The following RPS6KA2 variants were observed in gnomAD, a reference collection of about 807,000 sequenced individuals.
RPS6KA2 encodes ribosomal protein S6 kinase A2, also known as ribosomal protein S6 kinase alpha-2.
In RPS6KA2, 42 loss-of-function variants were observed where a neutral mutation model predicts 91.8. That is an observed-to-expected ratio of 0.46 (90% CI 0.36 to 0.59). The LOEUF (loss-of-function observed/expected upper bound fraction) is 0.59, where lower values mean the gene tolerates loss of function less well. Ranked by LOEUF, RPS6KA2 falls within the 20% of genes least tolerant of loss-of-function variation. RPS6KA2 has a pLI of 0.00. For synonymous variants in RPS6KA2, 414 were observed against 393.6 expected (o/e 1.05, Z -0.61); for missense variants, 798 against 978.5 (o/e 0.82, Z 2.46).
In RPS6KA2 at chr6:166,852,182, G is replaced by A. The variant is rs1583179725; in HGVS notation, c.123+6018C>T. Among the ~76,000 whole-genome samples the A allele has an allele frequency of 1.3e-5, 2 of 152,176 alleles. No individual in the cohort carries two copies. Among genetic ancestry groups the A allele is most frequent in the Non-Finnish European group, 1.5e-5 (1 of 68,026 alleles). ...TGTCTGCTGGACAGAGAAACAGTAA[G>A]AAATACAAATGCAAATAGACTGCCA... On this transcript the variant is annotated intron_variant, in intron 2 of 21. Transcript: ENST00000503859. The surrounding 1 kb of genome is among the most constrained non-coding windows in gnomAD (Gnocchi z 4.1).
intron 2 of RPS6KA2, among the ~76,000 whole-genome samples, chr6:166,776,337 T>A (rs1424364782): frequency 6.6e-6 from 1 of 152,008 alleles, no homozygotes; most frequent in East Asian, 1.9e-4. Context: ...GAGAATGGAG[T>A]CCCCGCACTG....
chr6:166,772,733 C>G (rs1052003762), intron 2 of RPS6KA2, among the ~76,000 whole-genome samples: 1 of 152,136 alleles, frequency 6.6e-6, no homozygotes, highest in African/African-American at 2.4e-5. Flanking sequence ...GCCCGGCTGT[C>G]GGGACACACC....
At chr6:166,813,071 G>A (rs911035029) in intron 2 of RPS6KA2, among the ~76,000 whole-genome samples, 1 of 152,140 alleles carries the variant, frequency 6.6e-6, no homozygotes, top group Non-Finnish European at 1.5e-5. Flanking sequence ...GGCTTGAGGG[G>A]TTGAGAGGCA....
At chr6:166,454,972 C>T (rs1037561088) in intron 12 of RPS6KA2, among the ~76,000 whole-genome samples, 2 of 150,488 alleles carry the variant, frequency 1.3e-5, no homozygotes, top group East Asian at 1.9e-4. Flanking sequence ...AAATATAATA[C>T]GTAATTTTTC....
intron 2 of RPS6KA2, among the ~76,000 whole-genome samples, chr6:166,744,340 C>T (rs762634158): frequency 6.9e-6 from 1 of 144,680 alleles, no homozygotes; most frequent in Admixed American, 6.8e-5. Context: ...TTCCCCGTGC[C>T]TCTGGGCCAT....
chr6:166,641,719 CAAAAAAAAAAAAAAAAAAAAAAA>C (rs71032871), intron 2 of RPS6KA2, among the ~76,000 whole-genome samples: 278 of 28,522 alleles, frequency 9.7e-3, no homozygotes, highest in Middle Eastern at 0.028. Flanking sequence ...GACTCTGTCA[CAAAAAAAAAAAAAAAAAAAAAAA>C]AAAAAAAAAA....
chr6:166,546,554 C>T (rs1457081206), intron 1 of RPS6KA2, among the ~76,000 whole-genome samples: 2 of 151,146 alleles, frequency 1.3e-5, no homozygotes, highest in South Asian at 2.1e-4. Flanking sequence ...ACTGATAACA[C>T]GGGATTTAAA....
At chr6:166,438,271 G>A (rs751209311) in intron 14 of RPS6KA2, among the ~76,000 whole-genome samples, 90 of 152,228 alleles carry the variant, frequency 5.9e-4, no homozygotes, top group Non-Finnish European at 9.4e-4. Context: ...TCTTAATTCC[G>A]TTTCTTTTTT....
At chr6:166,792,664 G>A (rs571082530) in intron 2 of RPS6KA2, among the ~76,000 whole-genome samples, 5 of 152,178 alleles carry the variant, frequency 3.3e-5, no homozygotes. Flanking sequence ...TCATGATCAA[G>A]TTGGCTTCAT....
At chr6:166,844,851 CAAT>C (rs971376336) in intron 2 of RPS6KA2, among the ~76,000 whole-genome samples, 3 of 107,388 alleles carry the variant, frequency 2.8e-5, no homozygotes, top group African/African-American at 8.1e-5. Context: ...ACCTATATAA[CAAT>C]AACACAACAA....
chr6:166,679,011 T>C (rs1422536290), intron 2 of RPS6KA2, among the ~76,000 whole-genome samples: 1 of 152,186 alleles, frequency 6.6e-6, no homozygotes, highest in Non-Finnish European at 1.5e-5. Flanking sequence ...ACAAGTAATA[T>C]TAATTCTATA....
intron 1 of RPS6KA2, among the ~76,000 whole-genome samples, chr6:166,594,526 A>G (rs554140798): frequency 3.9e-5 from 6 of 152,038 alleles, no homozygotes; most frequent in East Asian, 3.9e-4. Context: ...GCAGTGGCGC[A>G]ATCTCGGCTC....
At chr6:166,661,611 T>C (rs953923971) in intron 2 of RPS6KA2, among the ~76,000 whole-genome samples, 3 of 152,108 alleles carry the variant, frequency 2.0e-5, no homozygotes, top group African/African-American at 7.2e-5. Flanking sequence ...CCCTATATAA[T>C]AAATATAAAA....
At chr6:166,458,260 T>C (rs1489510590) in intron 12 of RPS6KA2, among the ~76,000 whole-genome samples, 1 of 152,082 alleles carries the variant, frequency 6.6e-6, no homozygotes, top group Admixed American at 6.6e-5. Flanking sequence ...GATGACTGAA[T>C]TATGGGGGTG....
At chr6:166,679,398 A>C (rs1562378401) in intron 2 of RPS6KA2, among the ~76,000 whole-genome samples, 2 of 152,086 alleles carry the variant, frequency 1.3e-5, no homozygotes, top group African/African-American at 2.4e-5. Flanking sequence ...TGGGAGGTGG[A>C]GGTTTCAGTG....
rs1781541684 is a variant in RPS6KA2 at position 166,490,248 on chromosome 6, C to A, written c.818+423G>T. ...TGGGGAGGGAAAGGAGACCCCTGCT[C>A]CTGTGATCTCTCCGGACAAGGCCCT... On this transcript the variant is annotated intron_variant, in intron 9 of 20. Coordinates refer to ENST00000265678, the MANE Select transcript of RPS6KA2 (RefSeq NM_021135.6). The surrounding 1 kb of genome is among the most constrained non-coding windows in gnomAD (Gnocchi z 4.2). 1.3e-5 allele frequency among the ~76,000 whole-genome samples: 2 copies of A among 152,132 alleles called. No homozygotes were observed. The highest frequency in any genetic ancestry group is 3.9e-4 in the East Asian group (2 of 5,188).
intron 2 of RPS6KA2, among the ~76,000 whole-genome samples, chr6:166,710,141 A>T (rs1789800764): frequency 6.6e-6 from 1 of 152,214 alleles, no homozygotes; most frequent in Non-Finnish European, 1.5e-5. Context: ...TTACCTTTGT[A>T]AGTATATGTG....
At position 166,586,201 on chromosome 6, in the gene RPS6KA2, G is replaced by A. The variant is rs200116869; in HGVS notation, c.99+40720C>T. ...GGATAGTAAGGTTCTTGTCTGTGTTGCGGGTAGTTGTTACCCCAGGATCGT... is the reference window on the plus strand; with the variant it reads ...GGATAGTAAGGTTCTTGTCTGTGTTACGGGTAGTTGTTACCCCAGGATCGT... On this transcript the variant is annotated intron_variant, in intron 1 of 20. Coordinates refer to ENST00000265678, the MANE Select transcript of RPS6KA2 (RefSeq NM_021135.6). 2,053 of 1,586,064 alleles carry A rather than the reference G, an allele frequency of 1.3e-3. 8 individuals carry two copies. The highest frequency in any genetic ancestry group is 4.2e-3 in the South Asian group (385 of 90,662).
intron 2 of RPS6KA2, among the ~76,000 whole-genome samples, chr6:166,685,600 G>T (rs192932743): frequency 6.6e-6 from 1 of 152,282 alleles, no homozygotes; most frequent in East Asian, 1.9e-4. Context: ...GAAGATCTTG[G>T]ATTCAAATCC....
Sources: gnomAD v4.1 joint callset for allele counts (sites outside exome capture counted in the v4.1 genomes callset) on GRCh38, gnomAD v4.1.1 for gene constraint, Gnocchi (gnomAD v3.1) non-coding constraint, MANE v1.5 for transcripts, NCBI Gene and HGNC (gene_info 2026-07-23, HGNC 2026-07-21) for gene names.